FKTN: variants seen among roughly 807,000 people sequenced by gnomAD.
The protein encoded by FKTN is ribitol-5-phosphate transferase FKTN.
In FKTN, 47 loss-of-function variants were observed where a neutral mutation model predicts 58.6. The observed-to-expected ratio is 0.80, with a 90% CI of 0.63 to 1.02. The LOEUF (loss-of-function observed/expected upper bound fraction) is 1.02. Among genes scored for constraint, FKTN ranks in the 50% least tolerant of loss-of-function variants. The pLI is 0.00. For synonymous variants in FKTN, 178 were observed against 191.9 expected (o/e 0.93, Z 0.60); for missense variants, 516 against 537.3 (o/e 0.96, Z 0.39).
intron 7 of FKTN, among the ~76,000 whole-genome samples, chr9:105,610,773 G>A (rs2518130): frequency 0.95 from 143,965 of 152,018 alleles, 68,247 homozygotes; most frequent in East Asian, 1. Context: ...CTGATACCCC[G>A]TATCAGGCAA....
At chr9:105,562,175 A>C (rs569301575) in intron 1 of FKTN, among the ~76,000 whole-genome samples, 1 of 152,238 alleles carries the variant, frequency 6.6e-6, no homozygotes, top group African/African-American at 2.4e-5. Flanking sequence ...AGACTGTGCT[A>C]CTGCAGTAAA....
chr9:105,569,093 A>T (rs1301803485), intron 1 of FKTN, among the ~76,000 whole-genome samples: 1 of 152,186 alleles, frequency 6.6e-6, no homozygotes, highest in Non-Finnish European at 1.5e-5. Context: ...GAACAATGAG[A>T]ACACTTGGTC....
chr9:105,604,404 G>T lies in FKTN; in HGVS notation c.559G>T (p.Gly187Cys). 6.2e-7 allele frequency: 1 copy of T among 1,613,814 alleles called. No homozygotes were observed. The highest frequency in any genetic ancestry group is 8.5e-7 in the Non-Finnish European group (1 of 1,179,764). Residue 187 changes from glycine (G) to cysteine (C), a missense_variant, in exon 6 of 11, where the codon GGC (glycine) becomes TGC (cysteine). By Grantham distance (159) the Gly-to-Cys change is radical (BLOSUM62 -3). Coordinates refer to ENST00000357998, the MANE Select transcript of FKTN (RefSeq NM_001079802.2). ...GAGGAGTGGCAACTACCTCTGGCAC[G>T]GCCACTTGAGACTTAAAGAACACAT... ...HERSGNYLWHGHLRLKEHIDR... is the reference protein window; with the variant it reads ...HERSGNYLWHCHLRLKEHIDR...
intron 10 of FKTN, among the ~76,000 whole-genome samples, chr9:105,620,821 TAA>T (rs78483878): frequency 6.8e-6 from 1 of 147,134 alleles, no homozygotes; most frequent in Non-Finnish European, 1.5e-5. Flanking sequence ...GTAGTAGTAG[TAA>T]AGAAAACTAT....
chr9:105,584,360 T>C (rs1274075212), intron 3 of FKTN, among the ~76,000 whole-genome samples: 1 of 152,098 alleles, frequency 6.6e-6, no homozygotes, highest in Non-Finnish European at 1.5e-5. Flanking sequence ...AAATATAATC[T>C]TTGAACAGAA....
At chr9:105,595,435 A>G (rs1333025064) in intron 3 of FKTN, among the ~76,000 whole-genome samples, 1 of 152,184 alleles carries the variant, frequency 6.6e-6, no homozygotes, top group East Asian at 1.9e-4. Context: ...GTAATCAACT[A>G]ATGTAGGACT....
chr9:105,639,902 C>T lies in FKTN; in HGVS notation c.*4638C>T, dbSNP rs1834307928. 2.1e-6 allele frequency: 3 copies of T among 1,425,348 alleles called. No homozygotes were observed. The highest frequency in any genetic ancestry group is 1.4e-5 in the African/African-American group (1 of 69,338). 88.3% of individuals were successfully genotyped at this position (1,425,348 alleles called of 1,614,324 possible). A position where few individuals can be genotyped will look rare whatever the true frequency, so the allele number is the denominator to read the frequency against. ...CTGGACTTCTTTTTCAATATTCTAGCCTTTCCTAGATGTAAATCTTTACCT... is the reference window on the plus strand; with the variant it reads ...CTGGACTTCTTTTTCAATATTCTAGTCTTTCCTAGATGTAAATCTTTACCT... On this transcript the variant is annotated 3_prime_UTR_variant, in exon 11 of 11. Transcript: ENST00000357998.
At chr9:105,634,492 C>T (rs1833848169) in intron 10 of FKTN, among the ~76,000 whole-genome samples, 1 of 152,056 alleles carries the variant, frequency 6.6e-6, no homozygotes, top group Non-Finnish European at 1.5e-5. Context: ...AATATAGTTA[C>T]AATCATTATA....
At chr9:105,568,241 T>C (rs559923248) in intron 1 of FKTN, among the ~76,000 whole-genome samples, 1 of 152,262 alleles carries the variant, frequency 6.6e-6, no homozygotes, top group South Asian at 2.1e-4. Context: ...GGCAAGGACT[T>C]CATGTCTGAA....
At chr9:105,572,624 A>G (rs1840939903) in intron 1 of FKTN, among the ~76,000 whole-genome samples, 1 of 152,186 alleles carries the variant, frequency 6.6e-6, no homozygotes. Flanking sequence ...GGCAACATGA[A>G]CTAGCAAGAA....
At chr9:105,615,608 G>A (rs190573665) in intron 8 of FKTN, among the ~76,000 whole-genome samples, 18 of 152,170 alleles carry the variant, frequency 1.2e-4, no homozygotes, top group Admixed American at 9.8e-4. Context: ...TGTTAGAAAG[G>A]CCATGGTTGT....
At chr9:105,617,315 A>G (rs1387699736) in intron 8 of FKTN, among the ~76,000 whole-genome samples, 1 of 152,240 alleles carries the variant, frequency 6.6e-6, no homozygotes, top group African/African-American at 2.4e-5. Flanking sequence ...ATTAGAGCAC[A>G]TACGTGGTAA....
chr9:105,563,946 A>G (rs1838847586), intron 1 of FKTN, among the ~76,000 whole-genome samples: 1 of 152,168 alleles, frequency 6.6e-6, no homozygotes, highest in African/African-American at 2.4e-5. Context: ...TACCCCTCTG[A>G]GACGAAACTT....
At chr9:105,626,882 A>AGTTACT (rs1832801446) in intron 10 of FKTN, among the ~76,000 whole-genome samples, 1 of 151,558 alleles carries the variant, frequency 6.6e-6, no homozygotes, top group Non-Finnish European at 1.5e-5. Flanking sequence ...CTCTTTTGTG[A>AGTTACT]GTTACTGGCT....
chr9:105,638,980 A>C lies in FKTN; in HGVS notation c.*3716A>C, dbSNP rs1030706459. 4 of 985,202 alleles carry C rather than the reference A, an allele frequency of 4.1e-6. No homozygotes were observed. In the East Asian group the frequency reaches 4.5e-4, roughly 112 times the overall value. The allele number at this position is 985,202 out of a possible 1,614,324, so 61.0% of individuals were successfully genotyped here. Reference sequence around the variant, plus strand: ...CATTTGGAATGAGCTTCCACACTTCAGTCTAAAATCTCACCCAAACTTATG... The same window carrying C: ...CATTTGGAATGAGCTTCCACACTTCCGTCTAAAATCTCACCCAAACTTATG... On this transcript the variant is annotated 3_prime_UTR_variant, in exon 11 of 11. Coordinates refer to ENST00000357998, the MANE Select transcript of FKTN (RefSeq NM_001079802.2).
intron 10 of FKTN, among the ~76,000 whole-genome samples, chr9:105,629,296 G>A (rs1168864688): frequency 6.6e-6 from 1 of 152,202 alleles, no homozygotes; most frequent in African/African-American, 2.4e-5. Context: ...TGAGATCACA[G>A]GTTGAAACAG....
At position 105,573,063 on chromosome 9, in the gene FKTN, C is replaced by T. The variant is rs114558663; in HGVS notation, c.-180-592C>T. On this transcript the variant is annotated intron_variant, in intron 1 of 10. Coordinates refer to ENST00000357998, the MANE Select transcript of FKTN (RefSeq NM_001079802.2). ...CAGCCTGACCACCACAGAAAAACCC[C>T]GTCTAAACTAAATATACAAAAATTA... is the stretch of plus-strand genomic sequence containing the variant. Among the ~76,000 whole-genome samples, 1,262 of 151,508 alleles carry T rather than the reference C, an allele frequency of 8.3e-3. 19 individuals carry two copies. Among genetic ancestry groups the T allele is most frequent in the African/African-American group, 0.029 (1,205 of 41,274 alleles).
At position 105,640,351 on chromosome 9, in the gene FKTN, G is replaced by C; in HGVS notation, c.*5087G>C. Reference sequence around the variant, plus strand: ...GGATCACTTGAGGCCAGGAGTTCGAGACCAGCCTGGCCAACATAGTGAAAC... The same window carrying C: ...GGATCACTTGAGGCCAGGAGTTCGACACCAGCCTGGCCAACATAGTGAAAC... On this transcript the variant is annotated 3_prime_UTR_variant, in exon 11 of 11. Coordinates refer to ENST00000357998, the MANE Select transcript of FKTN (RefSeq NM_001079802.2). The C allele has an allele frequency of 4.2e-6, 2 of 471,016 alleles. No homozygotes were observed. The highest frequency in any genetic ancestry group is 3.8e-5 in the Admixed American group (1 of 26,338). 29.2% of individuals were successfully genotyped at this position (471,016 alleles called of 1,614,324 possible).
chr9:105,581,197 C>T (rs1403341033), intron 3 of FKTN, among the ~76,000 whole-genome samples: 3 of 149,552 alleles, frequency 2.0e-5, no homozygotes, highest in African/African-American at 7.5e-5. Context: ...CAGCTTTGTT[C>T]CGTTGCTGGT....
Sources: gnomAD v4.1 joint callset for allele counts (sites outside exome capture counted in the v4.1 genomes callset) on GRCh38, gnomAD v4.1.1 for gene constraint, MANE v1.5 for transcripts, NCBI Gene and HGNC (gene_info 2026-07-23, HGNC 2026-07-21) for gene names.